The following KIN variants were observed in gnomAD, a reference collection of about 807,000 sequenced individuals.
KIN encodes the protein Kin17 DNA and RNA binding protein.
KIN carries 47 observed loss-of-function variants against 63.0 expected under a neutral mutation model. The observed-to-expected ratio is 0.75, with a 90% CI of 0.59 to 0.95. KIN has a LOEUF of 0.95. Among genes scored for constraint, KIN ranks in the 40% least tolerant of loss-of-function variants. The pLI is 0.00. For missense variants in KIN, 408 were observed against 460.9 expected, an observed-to-expected ratio of 0.89 and a Z score of 1.05; for synonymous variants, 160 against 157.7, an observed-to-expected ratio of 1.01 and a Z score of -0.11.
rs768927628 is a variant in KIN, at chr10:7,783,149, G to T, written c.141C>A (p.Ser47=). Residue 47 remains serine (S), a synonymous_variant, in exon 2 of 13, where the codon TCC becomes TCA. Transcript: ENST00000379562. The part of the protein sequence containing the change: ...DENGFKCHCM[S]ESHQRQLLLA... ...GCAATAGTTGTCTCTGATGAGATTCGGACATACAATGACACTTAAAGCCAT... is the reference window on the plus strand; with the variant it reads ...GCAATAGTTGTCTCTGATGAGATTCTGACATACAATGACACTTAAAGCCAT... 1.3e-6 allele frequency: 2 copies of T among 1,595,690 alleles called. No individual in the cohort carries two copies. Among genetic ancestry groups the T allele is most frequent in the Non-Finnish European group, 1.7e-6 (2 of 1,170,886 alleles).
chr10:7,787,509 G>A (rs906638921), intron 1 of KIN, among the ~76,000 whole-genome samples: 20 of 152,174 alleles, frequency 1.3e-4, no homozygotes, highest in Admixed American at 1.1e-3. Context: ...TTGCCCGGGC[G>A]TCTAGTATTG....
At chr10:7,774,222 G>A (rs1835722628) in intron 7 of KIN, among the ~76,000 whole-genome samples, 2 of 152,176 alleles carry the variant, frequency 1.3e-5, no homozygotes, top group East Asian at 3.8e-4. Context: ...TAGAAGGGCG[G>A]GCAATGACTA....
intron 2 of KIN, among the ~76,000 whole-genome samples, chr10:7,781,041 A>C (rs1835885367): frequency 6.6e-6 from 1 of 152,214 alleles, no homozygotes; most frequent in Non-Finnish European, 1.5e-5. Flanking sequence ...TGCTAGATAA[A>C]CGTGGGTGAA....
At chr10:7,764,848 C>T (rs1366279634) in intron 9 of KIN, among the ~76,000 whole-genome samples, 2 of 152,152 alleles carry the variant, frequency 1.3e-5, no homozygotes, top group Admixed American at 6.5e-5. Context: ...AAAAATATTT[C>T]CTTTCTGAGT....
chr10:7,780,312 T>C lies in KIN; in HGVS notation c.210-5A>G, dbSNP rs532666553. On this transcript the variant is annotated splice_region_variant and splice_polypyrimidine_tract_variant and intron_variant, in intron 2 of 12. Transcript: ENST00000379562. Reference sequence around the variant, plus strand: ...AGAAAGTCATTTCGGAATTCCCTAATAAAGAAAGAAAGGAAAGCATTAAGG... The same window carrying C: ...AGAAAGTCATTTCGGAATTCCCTAACAAAGAAAGAAAGGAAAGCATTAAGG... 1.9e-6 allele frequency: 3 copies of C among 1,599,628 alleles called. No homozygotes were observed. The highest frequency in any genetic ancestry group is 2.6e-6 in the Non-Finnish European group (3 of 1,173,792).
chr10:7,764,003 A>G (rs1457646527), intron 9 of KIN, among the ~76,000 whole-genome samples: 1 of 152,214 alleles, frequency 6.6e-6, no homozygotes, highest in East Asian at 1.9e-4. Context: ...CAACGTGGTT[A>G]GCAAGAGGAA....
chr10:7,765,086 G>A (rs1039848055), intron 9 of KIN, among the ~76,000 whole-genome samples: 3 of 149,978 alleles, frequency 2.0e-5, no homozygotes, highest in African/African-American at 7.4e-5. Flanking sequence ...TTGAACTCAG[G>A]AGGCAGAGAT....
chr10:7,767,661 C>T (rs1437713645), intron 8 of KIN, among the ~76,000 whole-genome samples: 1 of 151,988 alleles, frequency 6.6e-6, no homozygotes, highest in East Asian at 1.9e-4. Context: ...AGTTCAAGAT[C>T]AGCCTGGCCA....
intron 9 of KIN, among the ~76,000 whole-genome samples, chr10:7,764,504 T>A (rs1835500194): frequency 6.6e-6 from 1 of 152,222 alleles, no homozygotes; most frequent in African/African-American, 2.4e-5. Flanking sequence ...ATTCTATATT[T>A]GCTACTTCAA....
At chr10:7,781,587 TACAC>T (rs3036327) in intron 2 of KIN, among the ~76,000 whole-genome samples, 116 of 140,712 alleles carry the variant, frequency 8.2e-4, no homozygotes, top group Non-Finnish European at 1.4e-3. Flanking sequence ...ACCCTGTCTC[TACAC>T]ACACACACAC....
intron 7 of KIN, among the ~76,000 whole-genome samples, chr10:7,774,131 T>C (rs961773699): frequency 6.6e-6 from 1 of 152,204 alleles, no homozygotes; most frequent in Non-Finnish European, 1.5e-5. Flanking sequence ...GACAAAGACA[T>C]CTGGCCGAAA....
At chr10:7,785,251 CAAA>C (rs200276745) in intron 1 of KIN, among the ~76,000 whole-genome samples, 7 of 106,058 alleles carry the variant, frequency 6.6e-5, no homozygotes, top group Non-Finnish European at 6.4e-5. Context: ...GACCTTGTCT[CAAA>C]AAAAAAAAAA....
At chr10:7,781,417 G>A (rs193123093) in intron 2 of KIN, among the ~76,000 whole-genome samples, 62 of 152,236 alleles carry the variant, frequency 4.1e-4, no homozygotes, top group African/African-American at 1.3e-3. Context: ...AATGTCATGC[G>A]AAAGAGGCTG....
chr10:7,764,156 G>A (rs979224922), intron 9 of KIN, among the ~76,000 whole-genome samples: 8 of 152,146 alleles, frequency 5.3e-5, no homozygotes, highest in Non-Finnish European at 7.3e-5. Flanking sequence ...AGTGAAAAGC[G>A]CTGAGTTGTT....
chr10:7,772,893 A>G (rs751213099), intron 7 of KIN, among the ~76,000 whole-genome samples: 1 of 152,264 alleles, frequency 6.6e-6, no homozygotes, highest in Non-Finnish European at 1.5e-5. Context: ...ATGTTACATT[A>G]TCTAAGAAAA....
At chr10:7,761,932 T>A (rs1564315294) in intron 11 of KIN, among the ~76,000 whole-genome samples, 1 of 152,024 alleles carries the variant, frequency 6.6e-6, no homozygotes, top group Non-Finnish European at 1.5e-5. Flanking sequence ...ACCTGGGAGA[T>A]GGAGGTTGCA....
chr10:7,777,895 TCCC>T, intron 5 of KIN, among the ~76,000 whole-genome samples: 1 of 90,326 alleles, frequency 1.1e-5, no homozygotes, highest in African/African-American at 3.3e-5. Flanking sequence ...TGAGACTCCG[TCCC>T]CCCCCCAAAA....
chr10:7,782,512 C>T (rs922407387), intron 2 of KIN, among the ~76,000 whole-genome samples: 2 of 152,018 alleles, frequency 1.3e-5, no homozygotes, highest in Admixed American at 6.6e-5. Context: ...AATTCTCCTG[C>T]CTCAGCCTCC....
chr10:7,758,591 T>C (rs1352068360), intron 12 of KIN, among the ~76,000 whole-genome samples: 3 of 151,970 alleles, frequency 2.0e-5, no homozygotes. Flanking sequence ...TTGTTTTGTG[T>C]TTCCCTGAGA....
Sources: allele counts gnomAD v4.1 joint callset (sites outside exome capture counted in the v4.1 genomes callset), GRCh38; gene constraint gnomAD v4.1.1; transcripts MANE v1.5; gene names NCBI Gene and HGNC (gene_info 2026-07-23, HGNC 2026-07-21).